IKZF1: variants seen among roughly 807,000 people sequenced by gnomAD.
IKZF1 encodes the protein IKAROS family zinc finger 1.
IKZF1 carries 10 observed loss-of-function variants against 51.7 expected under a neutral mutation model. That is an observed-to-expected ratio of 0.19 (90% CI 0.12 to 0.33). The LOEUF is 0.33. Among genes scored for constraint, IKZF1 ranks in the 10% least tolerant of loss-of-function variants. The probability of loss-of-function intolerance (pLI) is 1.00; values close to 1 mark genes in which losing one functional copy is unlikely to be tolerated. For missense variants in IKZF1, 484 were observed against 707.5 expected, an observed-to-expected ratio of 0.68 and a Z score of 3.58; for synonymous variants, 280 against 282.3, an observed-to-expected ratio of 0.99 and a Z score of 0.08.
intron 2 of IKZF1, among the ~76,000 whole-genome samples, chr7:50,322,958 G>T (rs1179052931): frequency 6.6e-6 from 1 of 152,106 alleles, no homozygotes; most frequent in African/African-American, 2.4e-5. Context: ...TGGGGATATG[G>T]AAACCAGAAG....
intron 3 of IKZF1, among the ~76,000 whole-genome samples, chr7:50,361,769 G>A (rs190010446): frequency 4.5e-4 from 68 of 152,194 alleles, no homozygotes; most frequent in African/African-American, 1.6e-3. Flanking sequence ...CCAGCTACCC[G>A]GGAGGCTGAG....
chr7:50,306,380 A>G (rs1001227249), intron 1 of IKZF1, among the ~76,000 whole-genome samples: 1 of 152,202 alleles, frequency 6.6e-6, no homozygotes, highest in African/African-American at 2.4e-5. Context: ...CTAAATGGTC[A>G]TGTTTTCTTC....
intron 4 of IKZF1, among the ~76,000 whole-genome samples, chr7:50,380,692 G>A (rs1383445778): frequency 6.6e-6 from 1 of 151,982 alleles, no homozygotes; most frequent in African/African-American, 2.4e-5. Flanking sequence ...ATGCTGCCTG[G>A]GTCTCCCTGC....
At chr7:50,321,558 C>T (rs931922605) in intron 2 of IKZF1, among the ~76,000 whole-genome samples, 3 of 152,178 alleles carry the variant, frequency 2.0e-5, no homozygotes, top group East Asian at 1.9e-4. Context: ...TTTTCCTTGT[C>T]GCTTTCACTT....
chr7:50,320,589 C>T (rs1026126615), intron 2 of IKZF1, among the ~76,000 whole-genome samples: 5 of 152,156 alleles, frequency 3.3e-5, no homozygotes, highest in Admixed American at 6.5e-5. Flanking sequence ...TCCACTCCCC[C>T]GACCTTTCCA....
At chr7:50,389,772 G>A (rs972944468) in intron 6 of IKZF1, among the ~76,000 whole-genome samples, 9 of 152,198 alleles carry the variant, frequency 5.9e-5, no homozygotes, top group African/African-American at 1.7e-4. Context: ...CTTAGGGCCA[G>A]GAAGGCAGGC....
At chr7:50,353,835 C>G (rs945682776) in intron 3 of IKZF1, among the ~76,000 whole-genome samples, 3 of 152,200 alleles carry the variant, frequency 2.0e-5, no homozygotes, top group African/African-American at 7.2e-5. Context: ...TCTGAGGGCC[C>G]TGTGCCTGTT....
intron 4 of IKZF1, 68 bp from the exon 5 acceptor site, chr7:50,382,472 C>T (rs2153477042): frequency 6.6e-7 from 1 of 1,507,738 alleles, no homozygotes; most frequent in East Asian, 2.4e-5. Flanking sequence ...AAACAACTTT[C>T]TCGTAGCATC....
At chr7:50,361,332 T>C (rs1318466857) in intron 3 of IKZF1, among the ~76,000 whole-genome samples, 1 of 152,216 alleles carries the variant, frequency 6.6e-6, no homozygotes, top group Non-Finnish European at 1.5e-5. Context: ...TCAGTGTCTT[T>C]AGAATCAGCA....
chr7:50,320,536 C>T (rs1792920216), intron 2 of IKZF1, among the ~76,000 whole-genome samples: 1 of 152,110 alleles, frequency 6.6e-6, no homozygotes, highest in Non-Finnish European at 1.5e-5. Flanking sequence ...ATTCTTCCTA[C>T]CTAGCTGTAA....
At chr7:50,394,051 G>A (rs940896588) in intron 7 of IKZF1, 1 of 232,446 alleles carries the variant, frequency 4.3e-6, no homozygotes, top group East Asian at 6.1e-5. Flanking sequence ...CACAATGTGG[G>A]CGTTGGCTTG....
At chr7:50,371,689 A>G (rs1374464861) in intron 3 of IKZF1, among the ~76,000 whole-genome samples, 1 of 152,162 alleles carries the variant, frequency 6.6e-6, no homozygotes, top group Non-Finnish European at 1.5e-5. Flanking sequence ...CTCCACCCTC[A>G]GGGGCCAAGC....
intron 3 of IKZF1, among the ~76,000 whole-genome samples, chr7:50,348,635 T>G (rs1291864639): frequency 6.6e-6 from 1 of 152,182 alleles, no homozygotes; most frequent in Non-Finnish European, 1.5e-5. Flanking sequence ...ATGAGCAAAG[T>G]GAACCACCAT....
At chr7:50,345,497 A>C (rs1316758114) in intron 3 of IKZF1, among the ~76,000 whole-genome samples, 2 of 152,216 alleles carry the variant, frequency 1.3e-5, no homozygotes, top group Admixed American at 6.5e-5. Flanking sequence ...TCAGCACTCC[A>C]GAACACATGG....
chr7:50,338,352 GTAGA>G (rs2153411022), intron 3 of IKZF1, among the ~76,000 whole-genome samples: 1 of 152,316 alleles, frequency 6.6e-6, no homozygotes, highest in Non-Finnish European at 1.5e-5. Flanking sequence ...TGCTGTCAGA[GTAGA>G]TAGATAACAT....
At chr7:50,342,312 C>T (rs1308389052) in intron 3 of IKZF1, among the ~76,000 whole-genome samples, 1 of 152,182 alleles carries the variant, frequency 6.6e-6, no homozygotes, top group Non-Finnish European at 1.5e-5. Context: ...ATCAGTTTTT[C>T]AAAGCTAAGT....
At chr7:50,385,834 T>G (rs1813226587) in intron 5 of IKZF1, among the ~76,000 whole-genome samples, 1 of 152,222 alleles carries the variant, frequency 6.6e-6, no homozygotes, top group South Asian at 2.1e-4. Flanking sequence ...TGTTTCAACA[T>G]TATTTCCTTA....
At chr7:50,394,982 G>A (rs181971824) in intron 7 of IKZF1, among the ~76,000 whole-genome samples, 1,733 of 152,052 alleles carry the variant, frequency 0.011, 20 homozygotes, top group Non-Finnish European at 0.012. Context: ...GCACAAAGAG[G>A]AAAACAACAA....
chr7:50,358,611 T>G (rs1212125077), intron 3 of IKZF1, among the ~76,000 whole-genome samples: 1 of 152,208 alleles, frequency 6.6e-6, no homozygotes, highest in African/African-American at 2.4e-5. Context: ...GCAGAGGCCG[T>G]CTGTAAACAC....
Sources: allele counts gnomAD v4.1 joint callset (sites outside exome capture counted in the v4.1 genomes callset), GRCh38; gene constraint gnomAD v4.1.1; transcripts MANE v1.5; gene names NCBI Gene and HGNC (gene_info 2026-07-23, HGNC 2026-07-21).